CYP7B1: variants seen among roughly 807,000 people sequenced by gnomAD.
CYP7B1 encodes cytochrome P450 7B1.
Under a neutral mutation model 42.7 loss-of-function variants are expected in CYP7B1, and 29 were observed. That is an observed-to-expected ratio of 0.68 (90% CI 0.51 to 0.93). The LOEUF (loss-of-function observed/expected upper bound fraction) is 0.93. Among genes scored for constraint, CYP7B1 ranks in the 40% least tolerant of loss-of-function variants. CYP7B1 has a pLI of 0.00. For synonymous variants in CYP7B1, 235 were observed against 218.2 expected, an observed-to-expected ratio of 1.08 and a Z score of -0.68; for missense variants, 655 against 600.5, an observed-to-expected ratio of 1.09 and a Z score of -0.95.
chr8:64,765,866 A>C (rs1807965300), intron 1 of CYP7B1, among the ~76,000 whole-genome samples: 1 of 152,182 alleles, frequency 6.6e-6, no homozygotes, highest in Non-Finnish European at 1.5e-5. Context: ...GAAGCAAATT[A>C]AAATAGACCT....
intron 1 of CYP7B1, among the ~76,000 whole-genome samples, chr8:64,629,057 C>G (rs1248481635): frequency 6.6e-6 from 1 of 152,032 alleles, no homozygotes; most frequent in Non-Finnish European, 1.5e-5. Flanking sequence ...GAAACCCCGT[C>G]TCAACTAAAA....
intron 1 of CYP7B1, among the ~76,000 whole-genome samples, chr8:64,677,718 T>TG (rs1034110478): frequency 2.0e-5 from 3 of 148,830 alleles, no homozygotes; most frequent in African/African-American, 7.4e-5. Flanking sequence ...TTTTTTTTTT[T>TG]TTTTTTTTTT....
chr8:64,770,848 A>G (rs1804210426), intron 1 of CYP7B1, among the ~76,000 whole-genome samples: 1 of 152,170 alleles, frequency 6.6e-6, no homozygotes, highest in Non-Finnish European at 1.5e-5. Flanking sequence ...ATATCCCAGT[A>G]GCATGCAGAG....
At chr8:64,780,213 A>G (rs1334227350) in intron 1 of CYP7B1, among the ~76,000 whole-genome samples, 7 of 152,076 alleles carry the variant, frequency 4.6e-5, no homozygotes. Context: ...CAATATCTAG[A>G]ACTCTAAAAT....
At chr8:64,666,990 C>T (rs1806290057) in intron 1 of CYP7B1, among the ~76,000 whole-genome samples, 1 of 152,220 alleles carries the variant, frequency 6.6e-6, no homozygotes, top group Non-Finnish European at 1.5e-5. Flanking sequence ...TACTGCCATA[C>T]TTCTCACTCA....
Position 64,600,326 on chromosome 8 carries a change from G to A in CYP7B1, c.1234-3397C>T, listed in dbSNP as rs74516182. 4.2e-3 allele frequency among the ~76,000 whole-genome samples: 636 copies of A among 152,270 alleles called. 2 individuals carry two copies. Among genetic ancestry groups the A allele is most frequent in the Non-Finnish European group, 6.6e-3 (447 of 68,014 alleles). On this transcript the variant is annotated intron_variant, in intron 5 of 5. Coordinates refer to ENST00000310193, the MANE Select transcript of CYP7B1 (RefSeq NM_004820.5). The stretch of plus-strand genomic sequence containing the variant: ...ATACTATGTTTAGTTCAGTTCAACA[G>A]ATTTTTTTGGAGCACTTCCTGTATG...
chr8:64,732,879 G>C (rs995802044), intron 1 of CYP7B1: 4 of 152,740 alleles, frequency 2.6e-5, no homozygotes, highest in African/African-American at 9.7e-5. Flanking sequence ...CTGTGATGAA[G>C]GATGTGTTTG....
At chr8:64,660,213 C>T (rs1806181464) in intron 1 of CYP7B1, among the ~76,000 whole-genome samples, 1 of 152,146 alleles carries the variant, frequency 6.6e-6, no homozygotes, top group East Asian at 1.9e-4. Context: ...TTAACTAAAA[C>T]ATGGTGCAGG....
At chr8:64,606,897 C>T (rs1805291214) in intron 4 of CYP7B1, among the ~76,000 whole-genome samples, 1 of 152,160 alleles carries the variant, frequency 6.6e-6, no homozygotes, top group African/African-American at 2.4e-5. Context: ...TTCCACCAGC[C>T]CCAGTACGAA....
At chr8:64,645,262 TTGGGTATATACCCAGTAA>T (rs1472646606) in intron 1 of CYP7B1, among the ~76,000 whole-genome samples, 1 of 151,872 alleles carries the variant, frequency 6.6e-6, no homozygotes, top group East Asian at 1.9e-4. Context: ...TTATAGTCCT[TTGGGTATATACCCAGTAA>T]TGGGATGGCT....
intron 5 of CYP7B1, among the ~76,000 whole-genome samples, chr8:64,597,903 C>T (rs902807880): frequency 6.6e-6 from 1 of 152,106 alleles, no homozygotes; most frequent in Admixed American, 6.5e-5. Flanking sequence ...TACATGAAGA[C>T]GAATGCAAAA....
chr8:64,621,296 T>C (rs568095629), intron 2 of CYP7B1, among the ~76,000 whole-genome samples: 1 of 152,320 alleles, frequency 6.6e-6, no homozygotes, highest in African/African-American at 2.4e-5. Context: ...GGGAGACAGA[T>C]AAGTCAGTTG....
At chr8:64,728,983 A>G (rs1807368474) in intron 1 of CYP7B1, 1 of 152,088 alleles carries the variant, frequency 6.6e-6, no homozygotes, top group African/African-American at 2.4e-5. Context: ...ACATGGCAAA[A>G]CCCCATCTCT....
At chr8:64,620,601 T>C (rs1452517782) in intron 2 of CYP7B1, among the ~76,000 whole-genome samples, 2 of 152,224 alleles carry the variant, frequency 1.3e-5, no homozygotes, top group Non-Finnish European at 2.9e-5. Flanking sequence ...CATTTGCTCA[T>C]CATGCAAGAA....
At chr8:64,791,101 C>A (rs1318504531) in intron 1 of CYP7B1, among the ~76,000 whole-genome samples, 1 of 152,190 alleles carries the variant, frequency 6.6e-6, no homozygotes, top group Non-Finnish European at 1.5e-5. Context: ...TCTCAACCCA[C>A]AGAAGAAAGC....
rs1290723842 is a variant in CYP7B1 at position 64,595,071 on chromosome 8, A to G, written c.*1571T>C. ...ACTAACGGCTATCCGCCCAATAACAACAATGGATACCTTAAGAACGGGCAA... is the reference window on the plus strand; with the variant it reads ...ACTAACGGCTATCCGCCCAATAACAGCAATGGATACCTTAAGAACGGGCAA... On this transcript the variant is annotated 3_prime_UTR_variant, in exon 6 of 6. Transcript: ENST00000310193. 6.6e-6 allele frequency among the ~76,000 whole-genome samples: 1 copy of G among 152,242 alleles called. No individual in the cohort carries two copies. The highest frequency in any genetic ancestry group is 1.5e-5 in the Non-Finnish European group (1 of 68,042).
intron 1 of CYP7B1, among the ~76,000 whole-genome samples, chr8:64,672,576 G>A (rs1266404706): frequency 1.3e-5 from 2 of 152,028 alleles, no homozygotes; most frequent in Non-Finnish European, 2.9e-5. Context: ...GTATTTTTAT[G>A]AGGGGCAGAG....
intron 1 of CYP7B1, among the ~76,000 whole-genome samples, chr8:64,749,828 G>A (rs1446466896): frequency 1.3e-5 from 2 of 152,150 alleles, no homozygotes; most frequent in Non-Finnish European, 2.9e-5. Flanking sequence ...GTGGGTGGAA[G>A]GGGAAGGAGA....
chr8:64,662,263 G>T (rs553204856), intron 1 of CYP7B1, among the ~76,000 whole-genome samples: 69 of 152,276 alleles, frequency 4.5e-4, no homozygotes, highest in African/African-American at 1.7e-3. Flanking sequence ...AGCCTGGGAG[G>T]TCGAGGCTGC....
Sources: gnomAD v4.1 joint callset for allele counts (sites outside exome capture counted in the v4.1 genomes callset) on GRCh38, gnomAD v4.1.1 for gene constraint, MANE v1.5 for transcripts, NCBI Gene and HGNC (gene_info 2026-07-23, HGNC 2026-07-21) for gene names.